IQSEC1: variants seen among roughly 807,000 people sequenced by gnomAD.
IQSEC1 encodes the protein IQ motif and Sec7 domain ArfGEF 1.
IQSEC1 carries 31 observed loss-of-function variants against 91.0 expected under a neutral mutation model. The ratio of observed to expected loss-of-function variants is 0.34; its 90% confidence interval spans 0.26 to 0.46. IQSEC1 has a LOEUF of 0.46. IQSEC1 is among the 20% of genes least tolerant of loss of function. The pLI, the probability that IQSEC1 is intolerant of heterozygous loss-of-function variation, is 1.00. For synonymous variants in IQSEC1, 699 were observed against 662.6 expected (o/e 1.05, Z -0.84); for missense variants, 1,388 against 1,575.6 (o/e 0.88, Z 2.02).
intron 2 of IQSEC1, among the ~76,000 whole-genome samples, chr3:13,086,833 C>T (rs2125134629): frequency 6.6e-6 from 1 of 152,352 alleles, no homozygotes; most frequent in South Asian, 2.1e-4. Context: ...TTCCTCTAGG[C>T]CATTTACAGG....
At chr3:12,965,423 C>T (rs1287290149) in intron 1 of IQSEC1, among the ~76,000 whole-genome samples, 1 of 152,246 alleles carries the variant, frequency 6.6e-6, no homozygotes, top group African/African-American at 2.4e-5. Context: ...AGCTCTGCCT[C>T]CACAGGCCAA....
Position 13,109,457 on chromosome 3 carries a change from C to T in IQSEC1, c.302+54647G>A, listed in dbSNP as rs148788045. 8.1e-3 allele frequency among the ~76,000 whole-genome samples: 1,239 copies of T among 152,240 alleles called. 15 individuals are homozygous for T. The highest frequency in any genetic ancestry group is 0.027 in the African/African-American group (1,125 of 41,534). ...GGTCCAAAACTGCTTAAAGAAACTG[C>T]ACCTGCCCCCAGAGGCTGTGATATT... On this transcript the variant is annotated intron_variant, in intron 2 of 15. Coordinates refer to the IQSEC1 transcript ENST00000648114.
chr3:13,278,240 A>G (rs1695726307), intron 1 of IQSEC1, among the ~76,000 whole-genome samples: 1 of 152,060 alleles, frequency 6.6e-6, no homozygotes, highest in Non-Finnish European at 1.5e-5. Context: ...AGGCCACTCC[A>G]CTGGGCTTCC....
intron 1 of IQSEC1, chr3:12,960,229 G>A (rs1700161956): frequency 6.6e-6 from 1 of 152,106 alleles, no homozygotes; most frequent in Admixed American, 6.6e-5. Flanking sequence ...ATCATCTCGG[G>A]TGGACAGTCG....
chr3:13,064,976 A>G (rs147751575), intron 1 of IQSEC1, among the ~76,000 whole-genome samples: 2 of 152,362 alleles, frequency 1.3e-5, no homozygotes, highest in East Asian at 3.9e-4. Context: ...GGCTTGACGC[A>G]TAGGCTTCCT....
At chr3:13,111,338 G>A (rs567310257) in intron 2 of IQSEC1, among the ~76,000 whole-genome samples, 2 of 152,344 alleles carry the variant, frequency 1.3e-5, no homozygotes, top group South Asian at 2.1e-4. Context: ...CTCGTGGGTG[G>A]TGAGGGGCTG....
chr3:13,201,201 G>A (rs535505741), intron 1 of IQSEC1, among the ~76,000 whole-genome samples: 26 of 152,334 alleles, frequency 1.7e-4, no homozygotes, highest in Non-Finnish European at 3.1e-4. Context: ...CAGGAAGGAC[G>A]GTGACCGGAG....
At chr3:13,099,208 T>G in intron 2 of IQSEC1, among the ~76,000 whole-genome samples, 1 of 151,730 alleles carries the variant, frequency 6.6e-6, no homozygotes, top group African/African-American at 2.4e-5. Flanking sequence ...TGGAGAGGGG[T>G]GAGGAGAGGC....
At chr3:13,065,355 C>T (rs1705197955) in intron 1 of IQSEC1, among the ~76,000 whole-genome samples, 1 of 152,226 alleles carries the variant, frequency 6.6e-6, no homozygotes, top group Non-Finnish European at 1.5e-5. Context: ...GGCAGAAGAA[C>T]AAGAAGCAAG....
chr3:12,991,746 T>C (rs1702000659), intron 1 of IQSEC1, among the ~76,000 whole-genome samples: 1 of 152,190 alleles, frequency 6.6e-6, no homozygotes, highest in Admixed American at 6.5e-5. Context: ...TGGCTGAAAC[T>C]GTGTGCAGGA....
intron 1 of IQSEC1, among the ~76,000 whole-genome samples, chr3:13,036,574 G>A (rs1325367160): frequency 6.6e-6 from 1 of 152,210 alleles, no homozygotes; most frequent in Non-Finnish European, 1.5e-5. Context: ...CCCCTGTAGA[G>A]CCACTCCTCC....
intron 2 of IQSEC1, among the ~76,000 whole-genome samples, chr3:13,134,132 C>A (rs1344633038): frequency 1.3e-5 from 2 of 152,212 alleles, no homozygotes; most frequent in African/African-American, 2.4e-5. Context: ...TCCAGGGCAC[C>A]AAATAGCATT....
chr3:13,165,983 T>A (rs764617026), intron 1 of IQSEC1, among the ~76,000 whole-genome samples: 6 of 152,176 alleles, frequency 3.9e-5, no homozygotes, highest in Non-Finnish European at 8.8e-5. Context: ...GTGTGTAAGT[T>A]CCCTAATAAA....
At chr3:12,925,309 G>A (rs1028734048) in intron 3 of IQSEC1, among the ~76,000 whole-genome samples, 2 of 152,152 alleles carry the variant, frequency 1.3e-5, no homozygotes, top group African/African-American at 2.4e-5. Flanking sequence ...GGGAGAAATC[G>A]CTCTGTGCCG....
At chr3:13,234,313 G>T (rs533968818) in intron 1 of IQSEC1, among the ~76,000 whole-genome samples, 1 of 132,464 alleles carries the variant, frequency 7.5e-6, no homozygotes, top group Non-Finnish European at 1.6e-5. Context: ...TCCTGTGTCT[G>T]TGTGTGCCTG....
intron 1 of IQSEC1, among the ~76,000 whole-genome samples, chr3:12,974,384 T>C (rs1256793165): frequency 6.6e-6 from 1 of 152,188 alleles, no homozygotes; most frequent in Non-Finnish European, 1.5e-5. Flanking sequence ...GTGGTGAGAA[T>C]ATGCTTGCCG....
intron 2 of IQSEC1, among the ~76,000 whole-genome samples, chr3:13,090,132 G>T (rs554152080): frequency 1.3e-5 from 2 of 152,152 alleles, no homozygotes; most frequent in Admixed American, 1.3e-4. Context: ...GCAGGAGAAT[G>T]GCGTGAACCT....
At chr3:12,953,512 C>T (rs1699701065) in intron 1 of IQSEC1, among the ~76,000 whole-genome samples, 1 of 152,202 alleles carries the variant, frequency 6.6e-6, no homozygotes, top group Non-Finnish European at 1.5e-5. Flanking sequence ...AAATATAGGA[C>T]TCGAACAATG....
chr3:13,241,576 T>C (rs529210157), intron 1 of IQSEC1, among the ~76,000 whole-genome samples: 5 of 152,350 alleles, frequency 3.3e-5, no homozygotes, highest in Non-Finnish European at 5.9e-5. Context: ...TGGTGGTTTG[T>C]CTTCCTCTTC....
Sources: gnomAD v4.1 joint callset for allele counts (sites outside exome capture counted in the v4.1 genomes callset) on GRCh38, gnomAD v4.1.1 for gene constraint, MANE v1.5 for transcripts, NCBI Gene and HGNC (gene_info 2026-07-23, HGNC 2026-07-21) for gene names.